Variants in COMMD1 observed in about 807,000 individuals in gnomAD.
COMMD1 encodes COMM domain-containing protein 1.
COMMD1 carries 10 observed loss-of-function variants against 17.2 expected under a neutral mutation model. The observed-to-expected ratio is 0.58, with a 90% CI of 0.36 to 0.99. COMMD1 has a LOEUF of 0.99. Among genes scored for constraint, COMMD1 ranks in the 50% least tolerant of loss-of-function variants. The pLI is 0.01. For missense variants in COMMD1, 270 were observed against 231.8 expected (o/e 1.17, Z -1.07); for synonymous variants, 97 against 91.6 (o/e 1.06, Z -0.34).
At chr2:62,104,318 C>A (rs1320999172) in intron 2 of COMMD1, among the ~76,000 whole-genome samples, 1 of 150,900 alleles carries the variant, frequency 6.6e-6, no homozygotes. Flanking sequence ...ATAGTGAGAC[C>A]CCATCTCTAC....
At chr2:62,003,729 A>G (rs1669032653) in intron 2 of COMMD1, among the ~76,000 whole-genome samples, 1 of 152,140 alleles carries the variant, frequency 6.6e-6, no homozygotes, top group Non-Finnish European at 1.5e-5. Context: ...TCATCCTGCC[A>G]GCAGTGCTTA....
Position 62,026,656 on chromosome 2 carries a change from T to C in COMMD1, c.462+25674T>C, listed in dbSNP as rs116669908. On this transcript the variant is annotated intron_variant, in intron 2 of 2. Coordinates refer to ENST00000311832, the MANE Select transcript of COMMD1 (RefSeq NM_152516.4). ...TTGATACCAAAGCCACTGTATTCTTTAGGGAGATGACATTGTCACAAAAGG... is the reference window on the plus strand; with the variant it reads ...TTGATACCAAAGCCACTGTATTCTTCAGGGAGATGACATTGTCACAAAAGG... Among the ~76,000 whole-genome samples the C allele has an allele frequency of 8.1e-3, 1,233 of 152,298 alleles. 19 individuals carry two copies. Among genetic ancestry groups the C allele is most frequent in the African/African-American group, 0.028 (1,167 of 41,566 alleles).
intron 2 of COMMD1, among the ~76,000 whole-genome samples, chr2:62,116,014 T>C (rs954126795): frequency 2.6e-5 from 4 of 151,918 alleles, no homozygotes; most frequent in Admixed American, 2.6e-4. Context: ...GCCCAGCTAA[T>C]TTTTGTATTT....
exon 1 of COMMD1, chr2:61,888,795 AC>A (rs1041462581): frequency 4.2e-6 from 2 of 472,984 alleles, no homozygotes; most frequent in African/African-American, 4.1e-5. Flanking sequence ...CGCCGGGGGA[AC>A]CTTTACGCGA....
intron 1 of COMMD1, among the ~76,000 whole-genome samples, chr2:61,952,515 T>C (rs906498067): frequency 1.3e-5 from 2 of 152,156 alleles, no homozygotes; most frequent in East Asian, 1.9e-4. Flanking sequence ...GCTGGTCCTG[T>C]GGCCCCACCC....
At chr2:61,996,315 TGTG>T (rs1668754816) in intron 1 of COMMD1, among the ~76,000 whole-genome samples, 3 of 4,564 alleles carry the variant, frequency 6.6e-4, no homozygotes, top group African/African-American at 7.7e-4. Context: ...GTTTTCTAAA[TGTG>T]TGTGTGTGTG....
intron 2 of COMMD1, among the ~76,000 whole-genome samples, chr2:62,067,238 GA>G (rs954659484): frequency 8.2e-4 from 122 of 148,764 alleles, no homozygotes; most frequent in Non-Finnish European, 1.2e-3. Context: ...AAAAAAAAAG[GA>G]AAAAAAAAAT....
At chr2:62,098,585 C>T (rs1410946285) in intron 2 of COMMD1, among the ~76,000 whole-genome samples, 2 of 152,208 alleles carry the variant, frequency 1.3e-5, no homozygotes, top group African/African-American at 2.4e-5. Flanking sequence ...ATGTCACTTA[C>T]TTTCCCCAAG....
intron 2 of COMMD1, among the ~76,000 whole-genome samples, chr2:62,113,219 G>A (rs1054707808): frequency 6.6e-6 from 1 of 151,960 alleles, no homozygotes; most frequent in Non-Finnish European, 1.5e-5. Context: ...GGATGTCGTG[G>A]TGAGTGCCTG....
At chr2:62,081,432 G>C (rs1410025231) in intron 2 of COMMD1, among the ~76,000 whole-genome samples, 8 of 103,782 alleles carry the variant, frequency 7.7e-5, no homozygotes, top group African/African-American at 3.6e-4. Flanking sequence ...TGTATTTTTA[G>C]TAGAGACGGG....
At chr2:62,045,559 C>CT (rs756748901) in intron 2 of COMMD1, among the ~76,000 whole-genome samples, 4,492 of 138,650 alleles carry the variant, frequency 0.032, 106 homozygotes, top group East Asian at 0.092. Flanking sequence ...TTTCCTTCTT[C>CT]TTTTTTTTTT....
chr2:61,985,338 C>T (rs575167862), intron 1 of COMMD1, among the ~76,000 whole-genome samples: 1 of 152,312 alleles, frequency 6.6e-6, no homozygotes, highest in South Asian at 2.1e-4. Flanking sequence ...GCATGAGCCA[C>T]CGCACCCGGC....
intron 2 of COMMD1, among the ~76,000 whole-genome samples, chr2:62,057,409 C>G (rs904999685): frequency 6.6e-5 from 10 of 152,002 alleles, no homozygotes; most frequent in African/African-American, 2.2e-4. Flanking sequence ...CCTATTAGCT[C>G]AAGATTTATA....
At position 61,896,262 on chromosome 2, in the gene COMMD1, C is replaced by G. The variant is rs543976684; in HGVS notation, n.119+7420C>G. ...AGTGGGGCCTCCTCCAGTTCCTTTGCCACACTGCTACCACAGAGGGATCTT... is the reference window on the plus strand; with the variant it reads ...AGTGGGGCCTCCTCCAGTTCCTTTGGCACACTGCTACCACAGAGGGATCTT... On this transcript the variant is annotated intron_variant and non_coding_transcript_variant, in intron 1 of 2. Coordinates refer to the COMMD1 transcript ENST00000472729. Among the ~76,000 whole-genome samples, 5 of 152,266 alleles carry G rather than the reference C, an allele frequency of 3.3e-5. No homozygotes were observed. In the South Asian group the frequency reaches 1.0e-3, roughly 32 times the overall value.
At chr2:61,938,416 C>T (rs1024501349) in intron 1 of COMMD1, among the ~76,000 whole-genome samples, 1 of 152,098 alleles carries the variant, frequency 6.6e-6, no homozygotes, top group Non-Finnish European at 1.5e-5. Flanking sequence ...TAAGGAAAGC[C>T]CTGGGCGTGT....
chr2:61,991,287 T>C (rs1198399271), intron 1 of COMMD1, among the ~76,000 whole-genome samples: 1 of 152,234 alleles, frequency 6.6e-6, no homozygotes. Context: ...GGTTTGTGAA[T>C]GTGTGTGAGA....
chr2:62,129,335 A>G (rs1672964264), intron 2 of COMMD1, among the ~76,000 whole-genome samples: 3 of 152,228 alleles, frequency 2.0e-5, no homozygotes, highest in East Asian at 1.9e-4. Context: ...GAACAGCCCC[A>G]CAGGACATGG....
At chr2:61,938,973 T>G (rs1461895029) in intron 1 of COMMD1, among the ~76,000 whole-genome samples, 2 of 152,148 alleles carry the variant, frequency 1.3e-5, no homozygotes, top group African/African-American at 4.8e-5. Context: ...AAGAAATAAT[T>G]CATAATTCAA....
intron 2 of COMMD1, among the ~76,000 whole-genome samples, chr2:62,091,905 A>G (rs10166769): frequency 2.6e-4 from 39 of 152,360 alleles, no homozygotes; most frequent in African/African-American, 8.9e-4. Context: ...GCAGGGCATC[A>G]TATTTGGTTG....
Sources: gnomAD v4.1 joint callset for allele counts (sites outside exome capture counted in the v4.1 genomes callset) on GRCh38, gnomAD v4.1.1 for gene constraint, MANE v1.5 for transcripts, NCBI Gene and HGNC (gene_info 2026-07-23, HGNC 2026-07-21) for gene names.